ZNF81: variants seen among roughly 807,000 people sequenced by gnomAD.
The protein encoded by ZNF81 is zinc finger protein 81 (HFZ20).
Under a neutral mutation model 32.3 loss-of-function variants are expected in ZNF81, and 5 were observed. That is an observed-to-expected ratio of 0.15 (90% CI 0.08 to 0.33). ZNF81 has a LOEUF of 0.33. Ranked by LOEUF, ZNF81 falls within the 10% of genes least tolerant of loss-of-function variation. The pLI is 1.00. For synonymous variants in ZNF81, 163 were observed against 166.8 expected (o/e 0.98, Z 0.17); for missense variants, 379 against 479.8 (o/e 0.79, Z 1.96).
chrX:47,868,464 T>C (rs2058568100), intron 2 of ZNF81, among the ~76,000 whole-genome samples: 1 of 111,601 alleles, frequency 9.0e-6, no homozygotes, highest in Non-Finnish European at 1.9e-5. Flanking sequence ...CCAATTGCCT[T>C]GGACTGTGCA....
intron 1 of ZNF81, among the ~76,000 whole-genome samples, chrX:47,840,511 T>C (rs1556879634): frequency 2.8e-5 from 3 of 108,184 alleles, no homozygotes. Flanking sequence ...TTCTTTTTTT[T>C]TTTTTTTTTG....
chrX:47,911,737 A>G (rs1349678451), intron 4 of ZNF81, among the ~76,000 whole-genome samples: 1 of 111,804 alleles, frequency 8.9e-6, no homozygotes, highest in Non-Finnish European at 1.9e-5. Flanking sequence ...TATTACAGGG[A>G]TTAGCAAAAT....
At chrX:47,901,181 A>G (rs1192327580) in intron 4 of ZNF81, among the ~76,000 whole-genome samples, 2 of 111,611 alleles carry the variant, frequency 1.8e-5, no homozygotes, top group Non-Finnish European at 3.8e-5. Flanking sequence ...GGTCTTTTTC[A>G]GAAGCTTACT....
At chrX:47,895,983 T>C in intron 4 of ZNF81, 43 bp downstream of exon 4, 1 of 1,032,123 alleles carries the variant, frequency 9.7e-7, no homozygotes, top group South Asian at 2.0e-5. Context: ...CGAAGTAATT[T>C]TTTTTTTCCC....
chrX:47,866,229 AC>A (rs1362103455), intron 2 of ZNF81, among the ~76,000 whole-genome samples: 6 of 112,158 alleles, frequency 5.3e-5, no homozygotes, highest in African/African-American at 1.9e-4. Flanking sequence ...GTGATAAAAG[AC>A]CATTACTCAG....
rs940083338 is a variant in ZNF81 at position 47,864,035 on chromosome X, A to T, written c.54+17714A>T. The stretch of plus-strand genomic sequence containing the variant: ...AATTTCAGATTTTCAAAACATGTTC[A>T]TATGACCCTCGACACTTTTTGTTCT... On this transcript the variant is annotated intron_variant, in intron 2 of 4. Coordinates refer to ENST00000338637, the MANE Select transcript of ZNF81 (RefSeq NM_007137.5). 3.6e-5 allele frequency among the ~76,000 whole-genome samples: 4 copies of T among 111,900 alleles called. No homozygotes were observed. The East Asian group carries it at 1.1e-3, about 31-fold the overall frequency.
At chrX:47,838,591 A>T (rs1363243012) in intron 1 of ZNF81, among the ~76,000 whole-genome samples, 1 of 110,507 alleles carries the variant, frequency 9.0e-6, no homozygotes, top group Non-Finnish European at 1.9e-5. Context: ...GCTTGTCAGT[A>T]TGGAGGGTTA....
rs1464587548 is a variant in ZNF81 at position 47,837,647 on chromosome X, C to T, written c.-164+660C>T. 4.5e-5 allele frequency among the ~76,000 whole-genome samples: 5 copies of T among 112,178 alleles called. No individual in the cohort carries two copies. In the Admixed American group the frequency reaches 4.7e-4, roughly 11 times the overall value. On this transcript the variant is annotated intron_variant, in intron 1 of 4. Coordinates refer to ENST00000338637, the MANE Select transcript of ZNF81 (RefSeq NM_007137.5). ...CTTTCCTCCATTGACTTGTCTTTCA[C>T]CATTGTCAAAAATAAGTTGGCCATA... is the stretch of plus-strand genomic sequence containing the variant.
rs377122816 is a variant in ZNF81, at chrX:47,849,358, T to A, written c.54+3037T>A. On this transcript the variant is annotated intron_variant, in intron 2 of 4. Transcript: ENST00000338637. Reference sequence around the variant, plus strand: ...CTAACTACTACCCTGACTTTTATGATAATCACTTCCTTTAAGAAGAAAATC... The same window carrying A: ...CTAACTACTACCCTGACTTTTATGAAAATCACTTCCTTTAAGAAGAAAATC... Among the ~76,000 whole-genome samples the A allele has an allele frequency of 3.6e-5, 4 of 111,885 alleles. No homozygotes were observed. In the East Asian group the frequency reaches 8.4e-4, roughly 24 times the overall value.
At chrX:47,888,893 C>T (rs782043963) in intron 3 of ZNF81, among the ~76,000 whole-genome samples, 13 of 111,523 alleles carry the variant, frequency 1.2e-4, no homozygotes, top group African/African-American at 4.2e-4. Flanking sequence ...GGAAGAAAAG[C>T]GATCCTTGTT....
Position 47,925,558 on chromosome X carries a change from T to C in ZNF81, c.*8926T>C, listed in dbSNP as rs1255411653. ...ACCAGAATTTGTTTATCCATTCATG[T>C]TTTGATGGAAATTTGTATTTCCAGC... On this transcript the variant is annotated 3_prime_UTR_variant, in exon 5 of 5. Transcript: ENST00000338637. Among the ~76,000 whole-genome samples the C allele has an allele frequency of 6.2e-5, 7 of 112,349 alleles. No homozygotes were observed. The highest frequency in any genetic ancestry group is 2.3e-4 in the African/African-American group (7 of 30,972).
chrX:47,862,819 G>A (rs1305741109), intron 2 of ZNF81, among the ~76,000 whole-genome samples: 1 of 111,833 alleles, frequency 8.9e-6, no homozygotes, highest in Non-Finnish European at 1.9e-5. Flanking sequence ...ACTTTTATAG[G>A]TTTGAGTGGG....
intron 2 of ZNF81, among the ~76,000 whole-genome samples, chrX:47,857,726 TCCACTC>T (rs1350174825): frequency 1.8e-5 from 2 of 111,607 alleles, no homozygotes; most frequent in Non-Finnish European, 3.8e-5. Flanking sequence ...TGACCCCTTA[TCCACTC>T]CCAGCCAAGG....
chrX:47,914,776 A>G (rs1275342791), intron 4 of ZNF81, 148 bp from the exon 5 acceptor site: 5 of 520,040 alleles, frequency 9.6e-6, no homozygotes, highest in Non-Finnish European at 1.5e-5. Flanking sequence ...TTTGGCACAT[A>G]AAAGTGCTAT....
chrX:47,862,985 G>C lies in ZNF81; in HGVS notation c.54+16664G>C, dbSNP rs782420462. 6.3e-5 allele frequency among the ~76,000 whole-genome samples: 7 copies of C among 111,735 alleles called. No homozygotes were observed. The Admixed American group carries it at 6.7e-4, about 11-fold the overall frequency. On this transcript the variant is annotated intron_variant, in intron 2 of 4. Transcript: ENST00000338637. ...TCATGAGACACAGAACAGGACGTTA[G>C]AGGGTCTGTCTCAGGTGTTTTGGCA... is the stretch of plus-strand genomic sequence containing the variant.
Position 47,915,420 on chromosome X carries a change from ACACT to A in ZNF81, c.781_784del (p.Leu261ValfsTer4), listed in dbSNP as rs2058753163. 1 of 1,211,649 alleles carries A rather than the reference ACACT, an allele frequency of 8.3e-7. No individual in the cohort carries two copies. Among genetic ancestry groups the A allele is most frequent in the Non-Finnish European group, 1.1e-6 (1 of 895,495 alleles). Reference sequence around the variant, plus strand: ...AATGTGGAAAAGTCCTCAGCCTCAAACACTCACTCAGTCAAAATGTGAAATTTCC... The same window carrying A: ...AATGTGGAAAAGTCCTCAGCCTCAAACACTCAGTCAAAATGTGAAATTTCC... On this transcript the variant is annotated frameshift_variant, in exon 5 of 5. Coordinates refer to ENST00000338637, the MANE Select transcript of ZNF81 (RefSeq NM_007137.5). LOFTEE classifies it high-confidence loss of function.
At chrX:47,842,180 G>A (rs894786356) in intron 1 of ZNF81, among the ~76,000 whole-genome samples, 16 of 111,655 alleles carry the variant, frequency 1.4e-4, no homozygotes, top group African/African-American at 3.3e-4. Flanking sequence ...TACTCTGTAC[G>A]ACTTCAATTT....
At chrX:47,842,009 T>C (rs1399038173) in intron 1 of ZNF81, among the ~76,000 whole-genome samples, 1 of 111,950 alleles carries the variant, frequency 8.9e-6, no homozygotes. Flanking sequence ...GATTTTGATA[T>C]GTTACATTTT....
At chrX:47,896,884 T>C (rs2058681615) in intron 4 of ZNF81, among the ~76,000 whole-genome samples, 1 of 112,342 alleles carries the variant, frequency 8.9e-6, no homozygotes, top group African/African-American at 3.2e-5. Flanking sequence ...CATTTTGCAA[T>C]TCATCCATGT....
Sources: allele counts gnomAD v4.1 joint callset (sites outside exome capture counted in the v4.1 genomes callset), GRCh38; gene constraint gnomAD v4.1.1; transcripts MANE v1.5; gene names NCBI Gene and HGNC (gene_info 2026-07-23, HGNC 2026-07-21).